Variants in BPTF observed in about 807,000 individuals in gnomAD.
BPTF encodes the protein bromodomain PHD finger transcription factor.
Under a neutral mutation model 292.5 loss-of-function variants are expected in BPTF, and 18 were observed. The observed-to-expected ratio is 0.06, with a 90% confidence interval of 0.04 to 0.09. The LOEUF (loss-of-function observed/expected upper bound fraction) is 0.09, where lower values mean the gene tolerates loss of function less well. Ranked by LOEUF, BPTF falls within the 10% of genes least tolerant of loss-of-function variation. The probability of loss-of-function intolerance (pLI) is 1.00; values close to 1 mark genes in which losing one functional copy is unlikely to be tolerated. For synonymous variants in BPTF, 1,225 were observed against 1,251.9 expected (o/e 0.98, Z 0.45); for missense variants, 2,726 against 3,498.7 (o/e 0.78, Z 5.57).
intron 1 of BPTF, among the ~76,000 whole-genome samples, chr17:67,841,897 A>G (rs1215871966): frequency 6.6e-6 from 1 of 151,692 alleles, no homozygotes; most frequent in Non-Finnish European, 1.5e-5. Flanking sequence ...TTTTCTGCCT[A>G]CTTTTGGATT....
At chr17:67,865,026 T>C (rs1258216802) in intron 2 of BPTF, among the ~76,000 whole-genome samples, 2 of 152,102 alleles carry the variant, frequency 1.3e-5, no homozygotes, top group African/African-American at 4.8e-5. Flanking sequence ...CGGGATGGTC[T>C]CGATCTCCTG....
At chr17:67,963,241 A>G (rs1212656871) in intron 24 of BPTF, 1 of 1,364,470 alleles carries the variant, frequency 7.3e-7, no homozygotes. Flanking sequence ...GTTACACTGT[A>G]AAAAAGTGAA....
At chr17:67,842,007 T>TA (rs1342700263) in intron 1 of BPTF, among the ~76,000 whole-genome samples, 1 of 152,122 alleles carries the variant, frequency 6.6e-6, no homozygotes. Flanking sequence ...ACTATCTACT[T>TA]AGAGTTAGCA....
At chr17:67,982,189 A>G in intron 27 of BPTF, 63 bp from the exon 28 acceptor site, 1 of 1,459,746 alleles carries the variant, frequency 6.9e-7, no homozygotes, top group African/African-American at 1.4e-5. Flanking sequence ...GCATCCGCAT[A>G]AAGCATCATT....
chr17:67,898,921 CAAA>C (rs58991615), intron 7 of BPTF, among the ~76,000 whole-genome samples: 6 of 79,996 alleles, frequency 7.5e-5, no homozygotes, highest in Non-Finnish European at 1.3e-4. Context: ...TACCCTGTCT[CAAA>C]AAAAAAAAAA....
At chr17:67,849,170 A>G (rs1311184810) in intron 1 of BPTF, among the ~76,000 whole-genome samples, 8 of 152,120 alleles carry the variant, frequency 5.3e-5, no homozygotes, top group African/African-American at 1.4e-4. Flanking sequence ...CATCAGAATC[A>G]TTTGGGGAGA....
intron 11 of BPTF, among the ~76,000 whole-genome samples, chr17:67,916,595 A>T (rs1435676376): frequency 1.3e-5 from 2 of 151,464 alleles, no homozygotes; most frequent in Non-Finnish European, 1.5e-5. Context: ...CGTCTCAAAA[A>T]AATAATAATA....
At chr17:67,943,138 G>A (rs1240096147) in intron 19 of BPTF, among the ~76,000 whole-genome samples, 1 of 152,182 alleles carries the variant, frequency 6.6e-6, no homozygotes, top group Non-Finnish European at 1.5e-5. Flanking sequence ...AAATCCGGGT[G>A]AGTCATATGG....
Position 67,928,586 on chromosome 17 carries a change from G to A in BPTF, c.5983G>A (p.Gly1995Ser), listed in dbSNP as rs750687823. ...HQTFATWVKQ[G>S]QSNSGVVQVQ... ...AACCTTTGCTACATGGGTTAAGCAA[G>A]GCCAGTCAAATTCAGGTATGGAACT... The change falls in exon 16 of 28, where the codon GGC becomes AGC. Residue 1995 changes from glycine to serine, a missense_variant. Gly to Ser is a moderately conservative substitution (Grantham distance 56). This residue lies in a region of BPTF where 198 missense variants were observed against 277.1 expected (regional missense o/e 0.71). Coordinates refer to ENST00000306378, the MANE Select transcript of BPTF (RefSeq NM_182641.4). The A allele has an allele frequency of 1.2e-6, 2 of 1,611,886 alleles. No homozygotes were observed. The highest frequency in any genetic ancestry group is 1.7e-5 in the Admixed American group (1 of 59,666).
intron 1 of BPTF, among the ~76,000 whole-genome samples, chr17:67,853,340 T>G (rs2058522939): frequency 1.3e-5 from 2 of 152,184 alleles, no homozygotes; most frequent in Admixed American, 1.3e-4. Flanking sequence ...GGAATTCTTC[T>G]CTTTTCTCCT....
At chr17:67,956,123 C>T (rs1202206116) in intron 23 of BPTF, 2 of 151,594 alleles carry the variant, frequency 1.3e-5, no homozygotes, top group South Asian at 2.1e-4. Flanking sequence ...TCGAGACCAT[C>T]CTGGCTAACA....
At chr17:67,972,568 A>C (rs1394493741) in intron 26 of BPTF, among the ~76,000 whole-genome samples, 1 of 152,108 alleles carries the variant, frequency 6.6e-6, no homozygotes, top group Non-Finnish European at 1.5e-5. Flanking sequence ...TATATACTAA[A>C]GACAAGTAAA....
intron 1 of BPTF, among the ~76,000 whole-genome samples, chr17:67,846,906 G>A (rs2058069653): frequency 2.0e-5 from 3 of 152,070 alleles, no homozygotes; most frequent in Non-Finnish European, 4.4e-5. Context: ...TCGCCATGTT[G>A]GCCAGGCTGG....
Position 67,854,387 on chromosome 17 carries a change from A to G in BPTF, c.1061A>G (p.Tyr354Cys), listed in dbSNP as rs1175596187. 1.2e-6 allele frequency: 2 copies of G among 1,614,246 alleles called. No individual in the cohort carries two copies. Among genetic ancestry groups the G allele is most frequent in the Non-Finnish European group, 1.7e-6 (2 of 1,180,030 alleles). Residue 354 changes from tyrosine to cysteine, a missense_variant, in exon 2 of 28, where the codon TAT becomes TGT. Tyr to Cys is a radical substitution (Grantham distance 194, BLOSUM62 -2). This residue lies in a region of BPTF where 102 missense variants were observed against 212.6 expected (regional missense o/e 0.48). Coordinates refer to ENST00000306378, the MANE Select transcript of BPTF (RefSeq NM_182641.4). This position sits in a 1 kb window ranked among gnomAD's most constrained non-coding sequence, Gnocchi z 5.6. ...LPYQEAEDYP[Y>C]GPVENKIKVL... is the part of the protein sequence containing the mutation. ...TACCAAGAGGCAGAGGACTACCCATATGGACCAGTAGAGAACAAGATCAAA... is the reference window on the plus strand; with the variant it reads ...TACCAAGAGGCAGAGGACTACCCATGTGGACCAGTAGAGAACAAGATCAAA...
At chr17:67,907,796 A>G (rs1315131556) in intron 9 of BPTF, among the ~76,000 whole-genome samples, 1 of 152,204 alleles carries the variant, frequency 6.6e-6, no homozygotes, top group Non-Finnish European at 1.5e-5. Flanking sequence ...CCATCATGTC[A>G]TTATCACACT....
chr17:67,860,066 G>A (rs538552606), intron 2 of BPTF, among the ~76,000 whole-genome samples: 1 of 152,062 alleles, frequency 6.6e-6, no homozygotes. Context: ...AGCTATGGTC[G>A]TCATTCAAAT....
At position 67,959,644 on chromosome 17, in the gene BPTF, C is replaced by T. The variant is rs782040079; in HGVS notation, c.8030C>T (p.Pro2677Leu). Residue 2677 changes from proline (P) to leucine (L), a missense_variant, in exon 24 of 28, where the codon CCT (proline) becomes CTT (leucine). Pro to Leu is a moderately conservative substitution (Grantham distance 98). This residue lies in a region of BPTF where 148 missense variants were observed against 145.5 expected (regional missense o/e 1.02). Coordinates refer to ENST00000306378, the MANE Select transcript of BPTF (RefSeq NM_182641.4). The stretch of plus-strand genomic sequence containing the variant: ...CCCTGCCCCCCAGTGACACCAGCTC[C>T]TCCAGCCCCTCCAGCCCCTCCACCT... ...AAPCPPVTPA[P>L]PAPPAPPPSP... 4 of 1,603,456 alleles carry T rather than the reference C, an allele frequency of 2.5e-6. No homozygotes were observed. The Admixed American group carries it at 6.9e-5, about 28-fold the overall frequency.
At chr17:67,864,790 A>G (rs963415506) in intron 2 of BPTF, among the ~76,000 whole-genome samples, 3 of 151,852 alleles carry the variant, frequency 2.0e-5, no homozygotes, top group Admixed American at 2.0e-4. Context: ...CCAGTTGATC[A>G]TTCCTTATTT....
intron 1 of BPTF, among the ~76,000 whole-genome samples, chr17:67,827,195 A>C (rs2056153648): frequency 6.6e-6 from 1 of 152,344 alleles, no homozygotes; most frequent in East Asian, 1.9e-4. Flanking sequence ...GTAGTTGATC[A>C]TCTAGACATA....
Sources: allele counts gnomAD v4.1 joint callset (sites outside exome capture counted in the v4.1 genomes callset), GRCh38; gene constraint gnomAD v4.1.1; regional missense constraint gnomAD v4.1.1; non-coding constraint Gnocchi (gnomAD v3.1); transcripts MANE v1.5; gene names NCBI Gene and HGNC (gene_info 2026-07-23, HGNC 2026-07-21).